Variants in PIK3R6 observed in about 807,000 individuals in gnomAD.
The protein encoded by PIK3R6 is phosphoinositide-3-kinase regulatory subunit 6.
Under a neutral mutation model 84.9 loss-of-function variants are expected in PIK3R6, and 91 were observed. The observed-to-expected ratio is 1.07, with a 90% CI of 0.90 to 1.28. PIK3R6 has a LOEUF of 1.28. PIK3R6 is among the 50% of genes most tolerant of loss of function. PIK3R6 has a pLI of 0.00. For missense variants in PIK3R6, 996 were observed against 985.1 expected, an observed-to-expected ratio of 1.01 and a Z score of -0.15; for synonymous variants, 416 against 411.4, an observed-to-expected ratio of 1.01 and a Z score of -0.13.
Position 8,836,607 on chromosome 17 carries a change from T to C in PIK3R6, c.401A>G (p.Tyr134Cys). The change falls in exon 7 of 20, where the codon TAC (tyrosine) becomes TGC (cysteine). Residue 134 changes from tyrosine (Y) to cysteine (C), a missense_variant. Transcript: ENST00000619866. Reference protein sequence around the residue: ...KTEMAVPGTLYQRMVIAEQNL... With the variant: ...KTEMAVPGTLCQRMVIAEQNL... ...CTGTTCGGCAATGACCATCCTTTGG[T>C]ACAGTGTCCCTGCAAACCAGACCAC... 2.5e-6 allele frequency: 4 copies of C among 1,613,954 alleles called. No homozygotes were observed. The highest frequency in any genetic ancestry group is 3.4e-6 in the Non-Finnish European group (4 of 1,179,886).
chr17:8,819,791 T>C lies in PIK3R6; in HGVS notation c.1880-593A>G, dbSNP rs142693951. On this transcript the variant is annotated intron_variant, in intron 17 of 19. Transcript: ENST00000619866. ...GTATATATACGCACACATATATATG[T>C]GTATATATAGACACACACGTATATA... Among the ~76,000 whole-genome samples, 583 of 146,868 alleles carry C rather than the reference T, an allele frequency of 4.0e-3. 4 individuals carry two copies. The highest frequency in any genetic ancestry group is 0.014 in the African/African-American group (546 of 40,072).
chr17:8,817,410 A>G (rs195772), intron 18 of PIK3R6, among the ~76,000 whole-genome samples: 49,511 of 152,056 alleles, frequency 0.33, 9,558 homozygotes, highest in East Asian at 0.54. Context: ...TTGGGAAGCC[A>G]AGGCAGGTGG....
chr17:8,836,711 G>T, intron 6 of PIK3R6, 80 bp downstream of exon 6: 1 of 1,610,342 alleles, frequency 6.2e-7, no homozygotes, highest in East Asian at 2.2e-5. Flanking sequence ...TGAGCTCCCC[G>T]GTATCCTGGA....
intron 18 of PIK3R6, among the ~76,000 whole-genome samples, 184 bp downstream of exon 18, chr17:8,818,899 C>G (rs1382235141): frequency 1.3e-5 from 2 of 152,200 alleles, no homozygotes; most frequent in Non-Finnish European, 2.9e-5. Flanking sequence ...AGTGGGCACT[C>G]TGCACTTCAA....
chr17:8,824,847 C>G (rs767713379), intron 13 of PIK3R6, among the ~76,000 whole-genome samples: 1 of 152,058 alleles, frequency 6.6e-6, no homozygotes, highest in Non-Finnish European at 1.5e-5. Context: ...AATGTGCACC[C>G]CTAAATATCC....
Position 8,803,605 on chromosome 17 carries a change from G to A in PIK3R6, c.2109-176C>T, listed in dbSNP as rs1412733463. ...GACAAGAAAGAAAAACCTGGGCCTG[G>A]GGTTCACCGGGAGAGGAGACACTTG... On this transcript the variant is annotated intron_variant, in intron 19 of 19. Transcript: ENST00000619866. This position sits in a 1 kb window ranked among gnomAD's most constrained non-coding sequence, Gnocchi z 5.0. The A allele has an allele frequency of 1.1e-5, 7 of 631,844 alleles. No homozygotes were observed. Among genetic ancestry groups the A allele is most frequent in the African/African-American group, 3.7e-5 (2 of 53,790 alleles). 39.1% of individuals were successfully genotyped at this position (631,844 alleles called of 1,614,324 possible).
At chr17:8,815,138 A>G (rs759436356) in intron 18 of PIK3R6, among the ~76,000 whole-genome samples, 1 of 152,258 alleles carries the variant, frequency 6.6e-6, no homozygotes, top group Non-Finnish European at 1.5e-5. Flanking sequence ...CTACAGTAAT[A>G]TAATATGTTT....
In PIK3R6 at chr17:8,823,497, G is replaced by A; in HGVS notation, c.1516C>T (p.Pro506Ser). 1.3e-6 allele frequency: 2 copies of A among 1,596,818 alleles called. No homozygotes were observed. The highest frequency in any genetic ancestry group is 8.6e-7 in the Non-Finnish European group (1 of 1,164,900). Residue 506 changes from proline (P) to serine (S), a missense_variant and splice_region_variant, in exon 14 of 20, where the codon CCT (proline) becomes TCT (serine). Transcript: ENST00000619866. The part of the protein sequence containing the change: ...CPAIHKLAEM[P>S]PSLDTSRTVD... ...GTCCGGGATGTGTCCAGGGAAGGAGGCTGTGATGGAGACAGGGAATGTCTT... is the reference window on the plus strand; with the variant it reads ...GTCCGGGATGTGTCCAGGGAAGGAGACTGTGATGGAGACAGGGAATGTCTT...
At chr17:8,818,138 G>A (rs76927762) in intron 18 of PIK3R6, among the ~76,000 whole-genome samples, 5 of 152,308 alleles carry the variant, frequency 3.3e-5, no homozygotes, top group Non-Finnish European at 5.9e-5. Context: ...GTGGATGCAG[G>A]GTTATTCCAG....
intron 2 of PIK3R6, among the ~76,000 whole-genome samples, chr17:8,847,802 C>CAA (rs34223097): frequency 0.13 from 17,779 of 138,210 alleles, 1,160 homozygotes; most frequent in Middle Eastern, 0.19. Context: ...GACTCTGTCT[C>CAA]AAAAAAAAAA....
At chr17:8,849,687 G>C in intron 2 of PIK3R6, 95 bp downstream of exon 2, 1 of 1,365,156 alleles carries the variant, frequency 7.3e-7, no homozygotes, top group South Asian at 1.7e-5. Context: ...ATGTGCAGGG[G>C]GTCCTGCCAG....
At chr17:8,859,909 A>G (rs886830057) in intron 1 of PIK3R6, among the ~76,000 whole-genome samples, 2 of 151,712 alleles carry the variant, frequency 1.3e-5, no homozygotes, top group Admixed American at 6.6e-5. Context: ...TTTGTTCTCT[A>G]CCCACTCCCC....
intron 17 of PIK3R6, among the ~76,000 whole-genome samples, chr17:8,819,937 A>ATTT (rs1157487501): frequency 3.5e-5 from 3 of 86,220 alleles, no homozygotes; most frequent in African/African-American, 1.4e-4. Context: ...ATATATATAT[A>ATTT]TTTTTATATA....
In PIK3R6 at chr17:8,821,876, G is replaced by A; in HGVS notation, c.1849C>T (p.Leu617=). 1.3e-6 allele frequency: 2 copies of A among 1,598,110 alleles called. No homozygotes were observed. The highest frequency in any genetic ancestry group is 1.7e-6 in the Non-Finnish European group (2 of 1,172,246). The change falls in exon 17 of 20, where the codon CTG becomes TTG. Residue 617 remains leucine, a synonymous_variant. Transcript: ENST00000619866. ...TVSLRATGLI[L]KAIPASDTEV... is the part of the protein sequence containing the mutation. The stretch of plus-strand genomic sequence containing the variant: ...GTGTCGCTGGCTGGAATGGCCTTCA[G>A]GATCAGCCCAGTGGCCCGCAGGGAA...
Position 8,803,139 on chromosome 17 carries a change from C to T in PIK3R6, c.*134G>A. ...GTCCCCAGGGTAGGCTCCCTGTGCT[C>T]CCAGGCACTCGCTGGCTCCTGGTCA... On this transcript the variant is annotated 3_prime_UTR_variant, in exon 20 of 20. Coordinates refer to ENST00000619866, the MANE Select transcript of PIK3R6 (RefSeq NM_001010855.4). This position sits in a 1 kb window ranked among gnomAD's most constrained non-coding sequence, Gnocchi z 5.0. 2 of 1,211,526 alleles carry T rather than the reference C, an allele frequency of 1.7e-6. No homozygotes were observed. 75.0% of individuals were successfully genotyped at this position (1,211,526 alleles called of 1,614,324 possible). A position where few individuals can be genotyped will look rare whatever the true frequency, so the allele number is the denominator to read the frequency against.
At chr17:8,804,195 G>C (rs115726651) in intron 18 of PIK3R6, 42 bp from the exon 19 acceptor site, 3 of 1,537,160 alleles carry the variant, frequency 2.0e-6, no homozygotes, top group Non-Finnish European at 2.7e-6. Flanking sequence ...GCCTTTGCTC[G>C]ACAGGTGGCC....
chr17:8,813,420 T>C (rs2087422589), intron 18 of PIK3R6, among the ~76,000 whole-genome samples: 1 of 152,108 alleles, frequency 6.6e-6, no homozygotes, highest in Non-Finnish European at 1.5e-5. Flanking sequence ...GGTCAGTCAC[T>C]CTGATACCAA....
rs538666027 is a variant in PIK3R6 at position 8,812,219 on chromosome 17, G to T, written c.1995+6864C>A. 9.2e-5 allele frequency among the ~76,000 whole-genome samples: 14 copies of T among 152,272 alleles called. 1 individual carries two copies. In the South Asian group the frequency reaches 2.7e-3, roughly 29 times the overall value. ...CCCCATGATTCAATTACCTCCAACTGGGTCCCTCCCACAACATGTGGGAAT... is the reference window on the plus strand; with the variant it reads ...CCCCATGATTCAATTACCTCCAACTTGGTCCCTCCCACAACATGTGGGAAT... On this transcript the variant is annotated intron_variant, in intron 18 of 19. Transcript: ENST00000619866.
intron 9 of PIK3R6, 39 bp downstream of exon 9, chr17:8,832,850 G>A: frequency 6.2e-7 from 1 of 1,611,192 alleles, no homozygotes; most frequent in African/African-American, 1.3e-5. Flanking sequence ...CTGCCCCCGC[G>A]GGACTCTTGC....
Sources: gnomAD v4.1 joint callset for allele counts (sites outside exome capture counted in the v4.1 genomes callset) on GRCh38, gnomAD v4.1.1 for gene constraint, Gnocchi (gnomAD v3.1) non-coding constraint, MANE v1.5 for transcripts, NCBI Gene and HGNC (gene_info 2026-07-23, HGNC 2026-07-21) for gene names.